Variants in FAM228B observed in about 807,000 individuals in gnomAD.
FAM228B encodes the protein protein FAM228B.
Under a neutral mutation model 42.6 loss-of-function variants are expected in FAM228B, and 38 were observed. The ratio of observed to expected loss-of-function variants is 0.89; its 90% confidence interval spans 0.69 to 1.17. FAM228B has a LOEUF of 1.17. FAM228B is among the 50% of genes most tolerant of loss of function. The pLI, the probability that FAM228B is intolerant of heterozygous loss-of-function variation, is 0.00. For synonymous variants in FAM228B, 109 were observed against 122.3 expected (o/e 0.89, Z 0.72); for missense variants, 344 against 367.3 (o/e 0.94, Z 0.52).
chr2:24,104,487 GT>G (rs1665667515), intron 3 of FAM228B, among the ~76,000 whole-genome samples: 1 of 152,154 alleles, frequency 6.6e-6, no homozygotes, highest in Non-Finnish European at 1.5e-5. Flanking sequence ...TAGCCCAGTA[GT>G]CTCACTTCAG....
intron 5 of FAM228B, among the ~76,000 whole-genome samples, chr2:24,141,540 G>A (rs548360930): frequency 2.0e-5 from 3 of 152,168 alleles, no homozygotes; most frequent in East Asian, 1.9e-4. Flanking sequence ...CACCGCGCCC[G>A]GCCTAATTTT....
chr2:24,145,432 T>C (rs1025391409), intron 5 of FAM228B, among the ~76,000 whole-genome samples: 1 of 152,174 alleles, frequency 6.6e-6, no homozygotes, highest in Non-Finnish European at 1.5e-5. Context: ...AAAGCCAAAG[T>C]GTCCTACCCA....
intron 7 of FAM228B, among the ~76,000 whole-genome samples, chr2:24,158,196 C>CTTTTTTTATTTTTTT (rs1667199798): frequency 1.9e-5 from 1 of 53,200 alleles, no homozygotes. Context: ...TCTGAACCTC[C>CTTTTTTTATTTTTTT]TTTTTTTTTT....
At chr2:24,129,841 A>G (rs1439716690) in intron 2 of FAM228B, among the ~76,000 whole-genome samples, 1 of 152,144 alleles carries the variant, frequency 6.6e-6, no homozygotes, top group African/African-American at 2.4e-5. Flanking sequence ...CTGAGATACA[A>G]GTGCAGGACG....
chr2:24,106,316 C>G (rs1043683348), intron 3 of FAM228B, among the ~76,000 whole-genome samples: 16 of 106,396 alleles, frequency 1.5e-4, no homozygotes, highest in Non-Finnish European at 2.2e-4. Context: ...ATTCAGCATT[C>G]TTTTTTTTTT....
intron 3 of FAM228B, among the ~76,000 whole-genome samples, chr2:24,111,803 C>T (rs1665800284): frequency 6.6e-6 from 1 of 152,086 alleles, no homozygotes; most frequent in Admixed American, 6.6e-5. Flanking sequence ...TTCGGACTCA[C>T]CCCACAAGCA....
At position 24,084,335 on chromosome 2, in the gene FAM228B, A is replaced by G. The variant is rs1665158001; in HGVS notation, c.-210+3380A>G. The G allele has an allele frequency of 1.9e-6, 3 of 1,612,778 alleles. No individual in the cohort carries two copies. Among genetic ancestry groups the G allele is most frequent in the Non-Finnish European group, 2.5e-6 (3 of 1,179,786 alleles). ...AAGTGCACGGCTAACATATTGTCTG[A>G]GGACACAGGGCAGGGCAGGGCAGGA... On this transcript the variant is annotated intron_variant, in intron 2 of 10. Transcript: ENST00000613899. The surrounding 1 kb of genome is among the most constrained non-coding windows in gnomAD (Gnocchi z 8.4).
chr2:24,165,151 GAGA>G (rs1219110957), intron 9 of FAM228B, among the ~76,000 whole-genome samples: 2 of 152,148 alleles, frequency 1.3e-5, no homozygotes, highest in Non-Finnish European at 1.5e-5. Flanking sequence ...TTGAAGAGTT[GAGA>G]AGAAGAATCA....
intron 2 of FAM228B, among the ~76,000 whole-genome samples, chr2:24,128,746 C>G (rs1261644918): frequency 3.3e-5 from 5 of 151,204 alleles, no homozygotes; most frequent in Non-Finnish European, 5.9e-5. Context: ...AAATATTTTT[C>G]ATTTTTCCCC....
chr2:24,151,041 T>C (rs1301249908), intron 7 of FAM228B, among the ~76,000 whole-genome samples: 1 of 152,200 alleles, frequency 6.6e-6, no homozygotes, highest in African/African-American at 2.4e-5. Context: ...CTATCTCCCC[T>C]GTAAGGCCAA....
chr2:24,086,067 C>G (rs1226729507), intron 2 of FAM228B, among the ~76,000 whole-genome samples: 3 of 151,864 alleles, frequency 2.0e-5, no homozygotes, highest in South Asian at 4.2e-4. Flanking sequence ...AACCCCGTCT[C>G]TACTAAAAAT....
At chr2:24,079,376 C>T (rs2303287) in intron 1 of FAM228B, 278,787 of 1,522,176 alleles carry the variant, frequency 0.18, 27,565 homozygotes, top group South Asian at 0.2. Flanking sequence ...CTTCCTTTCT[C>T]GGGGTAATGT....
At chr2:24,115,484 C>T (rs1665883578) in intron 3 of FAM228B, 5 of 1,049,164 alleles carry the variant, frequency 4.8e-6, no homozygotes, top group Non-Finnish European at 5.7e-6. Flanking sequence ...TTTTTAGTGC[C>T]TTCTGTCTAG....
At chr2:24,156,774 GC>G (rs370569150) in intron 7 of FAM228B, among the ~76,000 whole-genome samples, 4,346 of 11,316 alleles carry the variant, frequency 0.38, 327 homozygotes, top group African/African-American at 0.43. Flanking sequence ...ATTTCTTTCC[GC>G]CCCCCCCCCC....
rs1377973257 is a variant in FAM228B at position 24,084,032 on chromosome 2, A to C, written c.-210+3077A>C. ...ACTCCCCCTTGTTTTGCATGAACAA[A>C]GAGGGCGCCCTGGGTTTAGGTCTGG... On this transcript the variant is annotated intron_variant, in intron 2 of 10. Coordinates refer to the FAM228B transcript ENST00000613899. The surrounding 1 kb of genome is among the most constrained non-coding windows in gnomAD (Gnocchi z 8.4). Among the ~76,000 whole-genome samples, 7 of 152,096 alleles carry C rather than the reference A, an allele frequency of 4.6e-5. No individual in the cohort carries two copies. Among genetic ancestry groups the C allele is most frequent in the Non-Finnish European group, 1.0e-4 (7 of 68,010 alleles).
chr2:24,121,273 C>G, upstream of FAM228B: 1 of 1,614,170 alleles, frequency 6.2e-7, no homozygotes, highest in Non-Finnish European at 8.5e-7. Flanking sequence ...AATCCATTCA[C>G]CAGTGTTCGG....
intron 5 of FAM228B, among the ~76,000 whole-genome samples, chr2:24,141,144 C>T (rs1332829519): frequency 4.6e-5 from 7 of 151,498 alleles, no homozygotes; most frequent in Admixed American, 1.3e-4. Flanking sequence ...GGCACGATCT[C>T]GGCTCCTGCA....
Position 24,140,955 on chromosome 2 carries a change from G to C in FAM228B, c.441+1505G>C, listed in dbSNP as rs532881309. Among the ~76,000 whole-genome samples, 390 of 149,452 alleles carry C rather than the reference G, an allele frequency of 2.6e-3. 2 individuals are homozygous for C. Among genetic ancestry groups the C allele is most frequent in the Non-Finnish European group, 4.6e-3 (310 of 67,622 alleles). ...CTCCAGCCTGGGCAACAGAGTGAGT[G>C]AGACTCTGTCTAAAAAAAAAAAAAG... On this transcript the variant is annotated intron_variant, in intron 5 of 10. Coordinates refer to ENST00000615575, the MANE Select transcript of FAM228B (RefSeq NM_001145710.2).
Position 24,124,360 on chromosome 2 carries a change from C to G in FAM228B, c.-2C>G. The G allele has an allele frequency of 6.5e-7, 1 of 1,537,998 alleles. No homozygotes were observed. Among genetic ancestry groups the G allele is most frequent in the Non-Finnish European group, 8.8e-7 (1 of 1,141,278 alleles). ...CCAGGGGCATTGTTATTTGTGACCA[C>G]AATGAAAAATGTAGACAGTGATGAT... On this transcript the variant is annotated 5_prime_UTR_variant, in exon 2 of 11. Transcript: ENST00000615575.
Sources: allele counts gnomAD v4.1 joint callset (sites outside exome capture counted in the v4.1 genomes callset), GRCh38; gene constraint gnomAD v4.1.1; non-coding constraint Gnocchi (gnomAD v3.1); transcripts MANE v1.5; gene names NCBI Gene and HGNC (gene_info 2026-07-23, HGNC 2026-07-21).